The following CYP26C1 variants were observed in gnomAD, a reference collection of about 807,000 sequenced individuals.
CYP26C1 encodes the protein cytochrome P450 26C1.
In CYP26C1, 41 loss-of-function variants were observed where a neutral mutation model predicts 39.1. The observed-to-expected ratio is 1.05, with a 90% CI of 0.82 to 1.36. The LOEUF is 1.36. Among genes scored for constraint, CYP26C1 ranks in the 40% most tolerant of loss-of-function variants. The probability of loss-of-function intolerance (pLI) is 0.00; values close to 1 mark genes in which losing one functional copy is unlikely to be tolerated. For missense variants in CYP26C1, 833 were observed against 752.0 expected (o/e 1.11, Z -1.26); for synonymous variants, 362 against 350.8 (o/e 1.03, Z -0.36).
chr10:93,063,833 A>G, intron 3 of CYP26C1: 1 of 985,748 alleles, frequency 1.0e-6, no homozygotes, highest in Non-Finnish European at 1.2e-6. Flanking sequence ...ATGGAACTCA[A>G]GTGCTGAATT....
At chr10:93,064,294 C>T (rs1846789258) in intron 3 of CYP26C1, 87 bp from the exon 4 acceptor site, 1 of 1,490,248 alleles carries the variant, frequency 6.7e-7, no homozygotes, top group African/African-American at 1.4e-5. Flanking sequence ...TTGGCAGAGC[C>T]AGTGCTGAGA....
rs1433489278 is a variant in CYP26C1 at position 93,061,430 on chromosome 10, G to A, written c.167G>A (p.Trp56Ter). ...CCTCTGCCCAAGGGCTCCATGGGGTGGCCCTTCTTCGGCGAAACGCTGCAC... is the reference window on the plus strand; with the variant it reads ...CCTCTGCCCAAGGGCTCCATGGGGTAGCCCTTCTTCGGCGAAACGCTGCAC... ...TLPLPKGSMG[W>*]PFFGETLHWL... The change falls in exon 1 of 6, where the codon TGG (tryptophan) becomes TAG (stop). Residue 56 changes from tryptophan to a stop codon, truncating the protein, a stop_gained. Coordinates refer to ENST00000651965, the MANE Select transcript of CYP26C1 (RefSeq NM_183374.3). LOFTEE classifies it high-confidence loss of function. 1 of 1,556,026 alleles carries A rather than the reference G, an allele frequency of 6.4e-7. No homozygotes were observed. The highest frequency in any genetic ancestry group is 8.7e-7 in the Non-Finnish European group (1 of 1,150,216).
At chr10:93,066,530 C>G (rs940267087) in intron 5 of CYP26C1, among the ~76,000 whole-genome samples, 4 of 152,232 alleles carry the variant, frequency 2.6e-5, no homozygotes, top group Non-Finnish European at 5.9e-5. Flanking sequence ...TTAGGGATCT[C>G]GTACCCTTCA....
chr10:93,067,130 TGCCAGGGTTCAG>T (rs1846839373), intron 5 of CYP26C1, among the ~76,000 whole-genome samples: 2 of 152,242 alleles, frequency 1.3e-5, no homozygotes, highest in East Asian at 3.8e-4. Flanking sequence ...GCACATTGCG[TGCCAGGGTTCAG>T]GAGGCATCAA....
intron 4 of CYP26C1, chr10:93,064,909 A>G (rs1846804216): frequency 1.1e-6 from 1 of 885,180 alleles, no homozygotes; most frequent in Non-Finnish European, 1.4e-6. Context: ...TTTTTTCTAG[A>G]AACTCTAAGG....
intron 5 of CYP26C1, 50 bp from the exon 6 acceptor site, chr10:93,068,270 C>T: frequency 6.8e-7 from 1 of 1,480,968 alleles, no homozygotes; most frequent in South Asian, 1.4e-5. Context: ...TCAGGGCCCC[C>T]CCGTTTCCAG....
chr10:93,064,541 G>T lies in CYP26C1; in HGVS notation c.861+5G>T. 1.2e-6 allele frequency: 2 copies of T among 1,609,720 alleles called. No homozygotes were observed. Among genetic ancestry groups the T allele is most frequent in the Non-Finnish European group, 1.7e-6 (2 of 1,176,868 alleles). ...CCCTCCATGCAGGAGCTGAAGGTAGGTGCTGACAGGCCGCTCCTTCTCCCC... is the reference window on the plus strand; with the variant it reads ...CCCTCCATGCAGGAGCTGAAGGTAGTTGCTGACAGGCCGCTCCTTCTCCCC... On this transcript the variant is annotated splice_donor_5th_base_variant and intron_variant, in intron 4 of 5. Coordinates refer to ENST00000651965, the MANE Select transcript of CYP26C1 (RefSeq NM_183374.3).
At chr10:93,063,605 T>TG in intron 3 of CYP26C1, 1 of 985,506 alleles carries the variant, frequency 1.0e-6, no homozygotes, top group Non-Finnish European at 1.2e-6. Flanking sequence ...GACTTCCCAC[T>TG]GTTTGATTCC....
rs1322000138 is a variant in CYP26C1 at position 93,061,457 on chromosome 10, G to T, written c.194G>T (p.Trp65Leu). ...GWPFFGETLH[W>L]LVQGSRFHSS... is the part of the protein sequence containing the mutation. ...CCCTTCTTCGGCGAAACGCTGCACT[G>T]GTTAGTTCAGGTGAGCAGTCCTTCG... Residue 65 changes from tryptophan (W) to leucine (L), a missense_variant, in exon 1 of 6, where the codon TGG becomes TTG. Physicochemically the swap from Trp to Leu is moderately conservative, Grantham distance 61 (BLOSUM62 -2). Coordinates refer to ENST00000651965, the MANE Select transcript of CYP26C1 (RefSeq NM_183374.3). The T allele has an allele frequency of 2.6e-6, 4 of 1,550,588 alleles. No homozygotes were observed. The highest frequency in any genetic ancestry group is 3.9e-5 in the Admixed American group (2 of 51,120).
chr10:93,066,165 C>A lies in CYP26C1; in HGVS notation c.1071C>A (p.Asp357Glu), dbSNP rs1260952663. The change falls in exon 5 of 6, where the codon GAC (aspartate) becomes GAA (glutamate). Residue 357 changes from aspartate to glutamate, a missense_variant. Transcript: ENST00000651965. ...GPPPDCGCEP[D>E]LSLAALGRLR... The stretch of plus-strand genomic sequence containing the variant: ...CGCCCGACTGCGGCTGCGAGCCCGA[C>A]CTCAGCCTCGCGGCGCTGGGCCGTC... The A allele has an allele frequency of 1.4e-6, 2 of 1,431,256 alleles. No individual in the cohort carries two copies. Among genetic ancestry groups the A allele is most frequent in the South Asian group, 3.1e-5 (2 of 64,034 alleles). The allele number at this position is 1,431,256 out of a possible 1,614,324, so 88.7% of individuals were successfully genotyped here.
In CYP26C1 at chr10:93,061,198, G is replaced by C; in HGVS notation, c.-66G>C. On this transcript the variant is annotated 5_prime_UTR_variant, in exon 1 of 6. Coordinates refer to ENST00000651965, the MANE Select transcript of CYP26C1 (RefSeq NM_183374.3). The stretch of plus-strand genomic sequence containing the variant: ...AACAGGTGAGCACTGCGCACTGCTC[G>C]CGCCCCGGTTCTTGCGTCCCCTGCT... 1 of 1,516,572 alleles carries C rather than the reference G, an allele frequency of 6.6e-7. No homozygotes were observed. The highest frequency in any genetic ancestry group is 2.5e-5 in the East Asian group (1 of 40,790). 93.9% of individuals were successfully genotyped at this position (1,516,572 alleles called of 1,614,324 possible). A position where few individuals can be genotyped will look rare whatever the true frequency, so the allele number is the denominator to read the frequency against.
At position 93,064,296 on chromosome 10, in the gene CYP26C1, G is replaced by C. The variant is rs371727459; in HGVS notation, c.706-85G>C. On this transcript the variant is annotated intron_variant, in intron 3 of 5. Transcript: ENST00000651965. ...TAACACAAGGATGTTGGCAGAGCCAGTGCTGAGAAGGTTTTCTGGGTAAGT... is the reference window on the plus strand; with the variant it reads ...TAACACAAGGATGTTGGCAGAGCCACTGCTGAGAAGGTTTTCTGGGTAAGT... 231 of 1,497,028 alleles carry C rather than the reference G, an allele frequency of 1.5e-4. No homozygotes were observed. The African/African-American group carries it at 3.0e-3, about 19-fold the overall frequency. 92.7% of individuals were successfully genotyped at this position (1,497,028 alleles called of 1,614,324 possible). A position where few individuals can be genotyped will look rare whatever the true frequency, so the allele number is the denominator to read the frequency against.
chr10:93,063,778 G>A, intron 3 of CYP26C1: 2 of 983,406 alleles, frequency 2.0e-6, no homozygotes. Flanking sequence ...AGATCACACC[G>A]TTAGTAGGGG....
intron 2 of CYP26C1, 74 bp downstream of exon 2, chr10:93,062,308 G>A: frequency 4.9e-6 from 7 of 1,439,340 alleles, no homozygotes; most frequent in Non-Finnish European, 5.5e-6. Flanking sequence ...GCCAGGCCGG[G>A]GCCCCGGTGT....
Position 93,061,089 on chromosome 10 carries a change from G to T in CYP26C1, c.-175G>T. 1.5e-6 allele frequency: 1 copy of T among 657,270 alleles called. No individual in the cohort carries two copies. Among genetic ancestry groups the T allele is most frequent in the Non-Finnish European group, 2.5e-6 (1 of 395,262 alleles). The allele number at this position is 657,270 out of a possible 1,614,324, so 40.7% of individuals were successfully genotyped here. A position where few individuals can be genotyped will look rare whatever the true frequency, so the allele number is the denominator to read the frequency against. The stretch of plus-strand genomic sequence containing the variant: ...CGCACGGTCACTGCAGTCTTTCACC[G>T]TCCGTCTGTTTTTAGAACAGAGTTC... On this transcript the variant is annotated 5_prime_UTR_variant, in exon 1 of 6. Transcript: ENST00000651965.
chr10:93,062,746 C>CGCGCTGGA lies in CYP26C1; in HGVS notation c.462_469dup (p.Tyr157TrpfsTer116), dbSNP rs1183627911. ...TCCTGGCGCGCGTGTTCAGCCGCGC[C>CGCGCTGGA]GCGCTGGAGCGCTACGTGCCGCGCC... On this transcript the variant is annotated frameshift_variant, in exon 3 of 6. Coordinates refer to ENST00000651965, the MANE Select transcript of CYP26C1 (RefSeq NM_183374.3). LOFTEE classifies it high-confidence loss of function. 12 of 1,446,618 alleles carry CGCGCTGGA rather than the reference C, an allele frequency of 8.3e-6. No homozygotes were observed. Among genetic ancestry groups the CGCGCTGGA allele is most frequent in the Non-Finnish European group, 1.1e-5 (12 of 1,111,070 alleles). 89.6% of individuals were successfully genotyped at this position (1,446,618 alleles called of 1,614,324 possible). A position where few individuals can be genotyped will look rare whatever the true frequency, so the allele number is the denominator to read the frequency against.
rs769885729 is a variant in CYP26C1 at position 93,068,435 on chromosome 10, C to T, written c.1307C>T (p.Ala436Val). 4 of 1,612,172 alleles carry T rather than the reference C, an allele frequency of 2.5e-6. No homozygotes were observed. The highest frequency in any genetic ancestry group is 2.2e-5 in the East Asian group (1 of 44,858). The change falls in exon 6 of 6, where the codon GCG becomes GTG. Residue 436 changes from alanine (A) to valine (V), a missense_variant. Transcript: ENST00000651965. ...EGFDPERFGA[A>V]REDSRGASSR... ...TTCGATCCAGAGCGCTTCGGCGCAG[C>T]GCGCGAAGATTCCCGGGGCGCCTCC...
intron 3 of CYP26C1, 45 bp from the exon 4 acceptor site, chr10:93,064,336 C>T: frequency 6.3e-7 from 1 of 1,579,386 alleles, no homozygotes; most frequent in African/African-American, 1.3e-5. Context: ...GGGCTTGGCC[C>T]CCTTAGCCTT....
At position 93,061,288 on chromosome 10, in the gene CYP26C1, C is replaced by T. The variant is rs1268477196; in HGVS notation, c.25C>T (p.Leu9=). The T allele has an allele frequency of 6.3e-7, 1 of 1,592,124 alleles. No individual in the cohort carries two copies. The highest frequency in any genetic ancestry group is 8.5e-7 in the Non-Finnish European group (1 of 1,170,764). The stretch of plus-strand genomic sequence containing the variant: ...CATGTTCCCTTGGGGGCTGAGCTGC[C>T]TGTCAGTGCTGGGGGCGGCGGGCAC... MFPWGLSC[L]SVLGAAGTAL... is the part of the protein sequence containing the mutation. The change falls in exon 1 of 6, where the codon CTG becomes TTG. Residue 9 remains leucine (L), a synonymous_variant. Coordinates refer to ENST00000651965, the MANE Select transcript of CYP26C1 (RefSeq NM_183374.3).
Sources: gnomAD v4.1 joint callset for allele counts (sites outside exome capture counted in the v4.1 genomes callset) on GRCh38, gnomAD v4.1.1 for gene constraint, MANE v1.5 for transcripts, NCBI Gene and HGNC (gene_info 2026-07-23, HGNC 2026-07-21) for gene names.